The following ZBTB46 variants were observed in gnomAD, a reference collection of about 807,000 sequenced individuals.
The protein encoded by ZBTB46 is zinc finger and BTB domain containing 46.
ZBTB46 carries 8 observed loss-of-function variants against 44.1 expected under a neutral mutation model. That is an observed-to-expected ratio of 0.18 (90% CI 0.11 to 0.33). The LOEUF is 0.33. Among genes scored for constraint, ZBTB46 ranks in the 10% least tolerant of loss-of-function variants. The probability of loss-of-function intolerance (pLI) is 1.00; values close to 1 mark genes in which losing one functional copy is unlikely to be tolerated. For synonymous variants in ZBTB46, 409 were observed against 382.3 expected, an observed-to-expected ratio of 1.07 and a Z score of -0.81; for missense variants, 651 against 847.7, an observed-to-expected ratio of 0.77 and a Z score of 2.88.
At chr20:63,749,051 C>G (rs910435949) in intron 4 of ZBTB46, among the ~76,000 whole-genome samples, 1 of 152,252 alleles carries the variant, frequency 6.6e-6, no homozygotes, top group Non-Finnish European at 1.5e-5. Context: ...CTTCTAGACC[C>G]GCTTCCTTGA....
rs939489498 is a variant in ZBTB46, at chr20:63,800,859, G to A, written c.-33-10069C>T. Among the ~76,000 whole-genome samples, 4 of 152,350 alleles carry A rather than the reference G, an allele frequency of 2.6e-5. No homozygotes were observed. The East Asian group carries it at 7.7e-4, about 29-fold the overall frequency. ...CTCCTGCAGAGCTTCCCTGACGAGTGCCCCTCCCTGCTCTACCGCGCTGGG... is the reference window on the plus strand; with the variant it reads ...CTCCTGCAGAGCTTCCCTGACGAGTACCCCTCCCTGCTCTACCGCGCTGGG... On this transcript the variant is annotated intron_variant, in intron 1 of 4. Transcript: ENST00000245663.
intron 3 of ZBTB46, chr20:63,769,316 G>A (rs1039299383): frequency 1.0e-6 from 1 of 985,296 alleles, no homozygotes; most frequent in Non-Finnish European, 1.2e-6. Flanking sequence ...CTCATCCTGT[G>A]GCTCTGAGGG....
intron 1 of ZBTB46, among the ~76,000 whole-genome samples, chr20:63,806,805 T>TG (rs535734549): frequency 1.3e-5 from 2 of 151,254 alleles, no homozygotes; most frequent in South Asian, 4.2e-4. Context: ...TTTTTTGAGA[T>TG]GGAGTCTCGC....
At chr20:63,768,204 A>C in intron 3 of ZBTB46, 11 of 807,194 alleles carry the variant, frequency 1.4e-5, no homozygotes, top group South Asian at 5.6e-5. Flanking sequence ...TGCCACCAAA[A>C]CTATCCTGTG....
intron 2 of ZBTB46, among the ~76,000 whole-genome samples, chr20:63,779,218 T>A (rs950979355): frequency 2.0e-5 from 2 of 101,894 alleles, no homozygotes; most frequent in African/African-American, 6.5e-5. Context: ...CACCCAATTT[T>A]ATTTTATTTA....
Position 63,790,331 on chromosome 20 carries a change from C to T in ZBTB46, c.427G>A (p.Glu143Lys). Residue 143 changes from glutamate (E) to lysine (K), a missense_variant, in exon 2 of 5, where the codon GAG becomes AAG. This residue lies in a region of ZBTB46 where 385 missense variants were observed against 423.3 expected (regional missense o/e 0.91). Transcript: ENST00000245663. ...IKSDASDELA[E>K]FEIGASSSSS... ...CTGGACGAGGCGCCGATCTCGAACT[C>T]CGCAAGCTCATCTGAGGCGTCCGAC... is the stretch of plus-strand genomic sequence containing the variant. 1 of 1,613,210 alleles carries T rather than the reference C, an allele frequency of 6.2e-7. No individual in the cohort carries two copies. Among genetic ancestry groups the T allele is most frequent in the Non-Finnish European group, 8.5e-7 (1 of 1,180,016 alleles).
intron 1 of ZBTB46, among the ~76,000 whole-genome samples, chr20:63,810,550 G>T (rs138235566): frequency 7.0e-4 from 107 of 152,198 alleles, no homozygotes; most frequent in Middle Eastern, 3.4e-3. Flanking sequence ...GTTTGAGACC[G>T]TCCTGGCCTA....
At chr20:63,821,606 AT>A (rs1026026035) in intron 1 of ZBTB46, among the ~76,000 whole-genome samples, 3 of 151,906 alleles carry the variant, frequency 2.0e-5, no homozygotes, top group Non-Finnish European at 4.4e-5. Flanking sequence ...CGCACAGCTA[AT>A]TTTTTTGTGT....
intron 1 of ZBTB46, among the ~76,000 whole-genome samples, chr20:63,794,974 C>T (rs755601214): frequency 1.3e-5 from 2 of 151,492 alleles, no homozygotes; most frequent in Non-Finnish European, 2.9e-5. Flanking sequence ...CAGAGAGGAG[C>T]TCCCGATCCA....
chr20:63,806,672 G>A (rs900582697), intron 1 of ZBTB46, among the ~76,000 whole-genome samples: 14 of 151,848 alleles, frequency 9.2e-5, no homozygotes, highest in Non-Finnish European at 1.9e-4. Flanking sequence ...GCAACGGTGC[G>A]ACCTTGGCTC....
At position 63,790,798 on chromosome 20, in the gene ZBTB46, G is replaced by C; in HGVS notation, c.-33-8C>G. 6.5e-7 allele frequency: 1 copy of C among 1,540,760 alleles called. No individual in the cohort carries two copies. Among genetic ancestry groups the C allele is most frequent in the Non-Finnish European group, 8.7e-7 (1 of 1,147,750 alleles). On this transcript the variant is annotated splice_polypyrimidine_tract_variant and splice_region_variant and intron_variant, in intron 1 of 4. Coordinates refer to ENST00000245663, the MANE Select transcript of ZBTB46 (RefSeq NM_001369741.1). ...TCGCCTCTTCTACAGACTCTGTGGA[G>C]GTAAGAACAAGAGTTACCCAAGCTC... is the stretch of plus-strand genomic sequence containing the variant.
intron 1 of ZBTB46, among the ~76,000 whole-genome samples, chr20:63,816,157 T>C (rs1233652780): frequency 1.8e-3 from 229 of 129,412 alleles, no homozygotes; most frequent in African/African-American, 6.5e-3. Context: ...GTGCAGTGGG[T>C]GCAGGTGCGG....
At chr20:63,784,930 G>A (rs933521800) in intron 2 of ZBTB46, among the ~76,000 whole-genome samples, 31 of 152,154 alleles carry the variant, frequency 2.0e-4, no homozygotes, top group Non-Finnish European at 1.5e-4. Flanking sequence ...CTTGACATGT[G>A]TCCTTAGAAA....
At chr20:63,818,164 C>T (rs1156378635) in intron 1 of ZBTB46, among the ~76,000 whole-genome samples, 2 of 152,210 alleles carry the variant, frequency 1.3e-5, no homozygotes, top group Non-Finnish European at 2.9e-5. Flanking sequence ...CTGCAAGGGG[C>T]CCTTTGTAGA....
chr20:63,790,435 G>A lies in ZBTB46; in HGVS notation c.323C>T (p.Ala108Val). ...TSRNVIEVMS[A>V]ASFLQMTDIV... The stretch of plus-strand genomic sequence containing the variant: ...GTCCGTCATCTGCAGGAAGCTGGCG[G>A]CTGACATCACCTCGATGACGTTCCT... Residue 108 changes from alanine to valine, a missense_variant, in exon 2 of 5, where the codon GCC becomes GTC. Ala to Val is a moderately conservative substitution (Grantham distance 64). Around this residue, in one of 5 missense-constraint regions of ZBTB46, gnomAD observed 65 missense variants for 167.9 expected, o/e 0.39. Transcript: ENST00000245663. The A allele has an allele frequency of 6.2e-7, 1 of 1,613,130 alleles. No homozygotes were observed. The highest frequency in any genetic ancestry group is 8.5e-7 in the Non-Finnish European group (1 of 1,180,010).
intron 1 of ZBTB46, among the ~76,000 whole-genome samples, chr20:63,811,544 G>A (rs958154069): frequency 6.6e-6 from 1 of 152,334 alleles, no homozygotes; most frequent in South Asian, 2.1e-4. Flanking sequence ...GCAACGCAGA[G>A]AGCAGGAAGA....
At chr20:63,821,462 G>A (rs1244539335) in intron 1 of ZBTB46, among the ~76,000 whole-genome samples, 3 of 145,134 alleles carry the variant, frequency 2.1e-5, no homozygotes, top group Non-Finnish European at 4.5e-5. Flanking sequence ...TTTCTGAGAC[G>A]GAGTTTCCCT....
At chr20:63,757,458 C>T (rs1399969147) in intron 3 of ZBTB46, among the ~76,000 whole-genome samples, 3 of 152,148 alleles carry the variant, frequency 2.0e-5, no homozygotes, top group Admixed American at 2.0e-4. Context: ...AATGTCCAGT[C>T]ACTCAGCACC....
chr20:63,750,493 C>G, intron 4 of ZBTB46, among the ~76,000 whole-genome samples: 1 of 152,068 alleles, frequency 6.6e-6, no homozygotes, highest in Non-Finnish European at 1.5e-5. Flanking sequence ...CCTGCCCCAG[C>G]CTCCCGAAGT....
Sources: allele counts gnomAD v4.1 joint callset (sites outside exome capture counted in the v4.1 genomes callset), GRCh38; gene constraint gnomAD v4.1.1; regional missense constraint gnomAD v4.1.1; transcripts MANE v1.5; gene names NCBI Gene and HGNC (gene_info 2026-07-23, HGNC 2026-07-21).